The following SLC5A4 variants were observed in gnomAD, a reference collection of about 807,000 sequenced individuals.
The protein encoded by SLC5A4 is solute carrier family 5 member 4, also known as probable glucose sensor protein SLC5A4.
Under a neutral mutation model 70.3 loss-of-function variants are expected in SLC5A4, and 55 were observed. The ratio of observed to expected loss-of-function variants is 0.78; its 90% CI spans 0.63 to 0.98. SLC5A4 has a LOEUF of 0.98. Among genes scored for constraint, SLC5A4 ranks in the 50% least tolerant of loss-of-function variants. SLC5A4 has a pLI of 0.00. For synonymous variants in SLC5A4, 268 were observed against 305.7 expected (o/e 0.88, Z 1.29); for missense variants, 735 against 839.2 (o/e 0.88, Z 1.53).
chr22:32,305,805 G>A, the SLC5A4 span, among the ~76,000 whole-genome samples: 9 of 151,576 alleles, frequency 5.9e-5, no homozygotes, highest in Non-Finnish European at 1.2e-4. Flanking sequence ...GGCCACTGAA[G>A]GCATGCCGTC....
chr22:32,221,071 A>G, intron 13 of SLC5A4, 49 bp from the exon 14 acceptor site: 1 of 1,156,150 alleles, frequency 8.6e-7, no homozygotes, highest in African/African-American at 1.5e-5. Context: ...AAATGTTTGC[A>G]ATAGTATAAT....
At chr22:32,348,059 G>A in the SLC5A4 span, among the ~76,000 whole-genome samples, 16 of 152,098 alleles carry the variant, frequency 1.1e-4, no homozygotes, top group Admixed American at 2.0e-4. Context: ...CAGCATTGAC[G>A]GCTGGGTTGT....
upstream of SLC5A4, among the ~76,000 whole-genome samples, chr22:32,258,612 G>A (rs184390036): frequency 4.2e-4 from 64 of 152,220 alleles, no homozygotes; most frequent in African/African-American, 1.5e-3. Flanking sequence ...TGGAGAAATT[G>A]GAACCCTTGT....
the SLC5A4 span, among the ~76,000 whole-genome samples, chr22:32,345,372 T>C: frequency 6.6e-6 from 1 of 151,520 alleles, no homozygotes; most frequent in African/African-American, 2.4e-5. Context: ...AAAGTGAATG[T>C]TAGTCAGTGA....
At chr22:32,272,646 C>T in the SLC5A4 span, 2 of 578,292 alleles carry the variant, frequency 3.5e-6, no homozygotes, top group Non-Finnish European at 6.4e-6. Flanking sequence ...GTACATGTAC[C>T]TGCCTGAAGC....
chr22:32,306,185 G>C, the SLC5A4 span, among the ~76,000 whole-genome samples: 2 of 152,314 alleles, frequency 1.3e-5, no homozygotes, highest in African/African-American at 2.4e-5. Context: ...CTGTATATAG[G>C]CCGGGCGCGG....
At chr22:32,243,310 G>T (rs888368030) in intron 5 of SLC5A4, among the ~76,000 whole-genome samples, 1 of 152,108 alleles carries the variant, frequency 6.6e-6, no homozygotes, top group Non-Finnish European at 1.5e-5. Context: ...ACAGAAAAAG[G>T]GTATGGAAAT....
intron 3 of SLC5A4, 84 bp downstream of exon 3, chr22:32,251,686 G>T: frequency 2.3e-6 from 2 of 866,046 alleles, no homozygotes; most frequent in Non-Finnish European, 3.9e-6. Context: ...TCCAGCCTGT[G>T]ATATTCTGTC....
chr22:32,248,801 G>A lies in SLC5A4; in HGVS notation c.314C>T (p.Ser105Phe), dbSNP rs1429140245. The change falls in exon 4 of 15, where the codon TCC becomes TTC. Residue 105 changes from serine to phenylalanine, a missense_variant and splice_region_variant. Transcript: ENST00000266086. Reference protein sequence around the residue: ...GVATVTFEWTSSVMLLILGWI... With the variant: ...GVATVTFEWTFSVMLLILGWI... Reference sequence around the variant, plus strand: ...CCCAAGAATCAGCAACATTACTGAGGACTACAAGGAACCAAAATAAGAGAC... The same window carrying A: ...CCCAAGAATCAGCAACATTACTGAGAACTACAAGGAACCAAAATAAGAGAC... 1 of 1,609,644 alleles carries A rather than the reference G, an allele frequency of 6.2e-7. No individual in the cohort carries two copies. Among genetic ancestry groups the A allele is most frequent in the East Asian group, 2.2e-5 (1 of 44,858 alleles).
intron 14 of SLC5A4, among the ~76,000 whole-genome samples, chr22:32,219,001 G>A (rs1190647274): frequency 2.0e-5 from 3 of 152,068 alleles, no homozygotes; most frequent in Admixed American, 6.6e-5. Flanking sequence ...ATATATAATG[G>A]GTTTCTAAAA....
At chr22:32,246,932 C>T (rs1392598065) in intron 5 of SLC5A4, among the ~76,000 whole-genome samples, 1 of 152,166 alleles carries the variant, frequency 6.6e-6, no homozygotes, top group Non-Finnish European at 1.5e-5. Context: ...ATAGAGTGAA[C>T]TTAAGAAAAA....
the SLC5A4 span, among the ~76,000 whole-genome samples, chr22:32,330,812 T>G: frequency 0.11 from 3,132 of 29,650 alleles, 210 homozygotes; most frequent in East Asian, 0.41. Flanking sequence ...TGGTGTGTGT[T>G]TTGGGAGGCT....
At chr22:32,334,717 G>A in the SLC5A4 span, among the ~76,000 whole-genome samples, 1 of 152,222 alleles carries the variant, frequency 6.6e-6, no homozygotes, top group South Asian at 2.1e-4. Context: ...ATGTCCCAGG[G>A]ATTGAATCAT....
the SLC5A4 span, chr22:32,272,980 C>T: frequency 6.9e-5 from 37 of 539,984 alleles, no homozygotes; most frequent in Admixed American, 5.8e-4. Context: ...GCAAGCTGCA[C>T]GGGGAGCTGC....
the SLC5A4 span, among the ~76,000 whole-genome samples, chr22:32,329,806 T>G: frequency 1.6e-4 from 6 of 38,182 alleles, no homozygotes; most frequent in Non-Finnish European, 2.6e-4. Context: ...GTGTGTGTGT[T>G]GGAGGCTCTG....
chr22:32,349,043 C>T, the SLC5A4 span, among the ~76,000 whole-genome samples: 1 of 152,114 alleles, frequency 6.6e-6, no homozygotes, highest in Non-Finnish European at 1.5e-5. Context: ...TGGTGCGATT[C>T]GGCTCACTGC....
the SLC5A4 span, among the ~76,000 whole-genome samples, chr22:32,329,762 GTT>G: frequency 1.3e-5 from 1 of 79,480 alleles, no homozygotes. Flanking sequence ...GTGTGTGTGT[GTT>G]GGGGGCTCTG....
At chr22:32,221,410 A>C (rs941355763) in intron 13 of SLC5A4, among the ~76,000 whole-genome samples, 15 of 152,184 alleles carry the variant, frequency 9.9e-5, no homozygotes, top group Admixed American at 6.5e-5. Context: ...TTGCTTTTAT[A>C]ACTTTCAAAC....
At chr22:32,276,617 C>G in the SLC5A4 span, 1 of 147,800 alleles carries the variant, frequency 6.8e-6, no homozygotes, top group South Asian at 2.2e-4. Flanking sequence ...TGCCATATTT[C>G]TATATTATAA....
Sources: gnomAD v4.1 joint callset for allele counts (sites outside exome capture counted in the v4.1 genomes callset) on GRCh38, gnomAD v4.1.1 for gene constraint, MANE v1.5 for transcripts, NCBI Gene and HGNC (gene_info 2026-07-23, HGNC 2026-07-21) for gene names.